BNC2: variants seen among roughly 807,000 people sequenced by gnomAD.
The protein encoded by BNC2 is basonuclin zinc finger protein 2.
BNC2 carries 20 observed loss-of-function variants against 76.3 expected under a neutral mutation model. That is an observed-to-expected ratio of 0.26 (90% CI 0.18 to 0.38). The LOEUF (loss-of-function observed/expected upper bound fraction) is 0.38, where lower values mean the gene tolerates loss of function less well. Ranked by LOEUF, BNC2 falls within the 10% of genes least tolerant of loss-of-function variation. BNC2 has a pLI of 1.00. For missense variants in BNC2, 1,382 were observed against 1,399.8 expected, an observed-to-expected ratio of 0.99 and a Z score of 0.20; for synonymous variants, 582 against 514.8, an observed-to-expected ratio of 1.13 and a Z score of -1.77.
At chr9:16,848,297 T>A (rs551049360) in intron 1 of BNC2, among the ~76,000 whole-genome samples, 3 of 152,164 alleles carry the variant, frequency 2.0e-5, no homozygotes, top group African/African-American at 7.2e-5. Context: ...ATTCCATCGA[T>A]GAAGTCAGGT....
At chr9:16,824,509 C>G (rs1392057229) in intron 1 of BNC2, among the ~76,000 whole-genome samples, 3 of 152,092 alleles carry the variant, frequency 2.0e-5, no homozygotes, top group South Asian at 2.1e-4. Flanking sequence ...CCTGTTCTCC[C>G]AAACTGTTAT....
intron 5 of BNC2, among the ~76,000 whole-genome samples, chr9:16,458,468 A>C (rs971112019): frequency 3.9e-5 from 6 of 152,208 alleles, no homozygotes; most frequent in Admixed American, 2.6e-4. Context: ...GAAAATCTTC[A>C]TTGTTGTCTG....
chr9:16,669,993 A>G (rs1191389207), intron 3 of BNC2, among the ~76,000 whole-genome samples: 1 of 152,226 alleles, frequency 6.6e-6, no homozygotes, highest in Non-Finnish European at 1.5e-5. Flanking sequence ...AACATATAAT[A>G]ATTGTGTAAT....
chr9:16,730,680 A>T (rs7855308), intron 2 of BNC2, among the ~76,000 whole-genome samples: 6,105 of 152,260 alleles, frequency 0.04, 255 homozygotes, highest in African/African-American at 0.1. Context: ...TCCTTCAGAT[A>T]TCATGGACTG....
At chr9:16,836,105 T>C (rs1319032538) in intron 1 of BNC2, among the ~76,000 whole-genome samples, 1 of 152,180 alleles carries the variant, frequency 6.6e-6, no homozygotes, top group Non-Finnish European at 1.5e-5. Context: ...GTTTTAGAAA[T>C]TGCCTCTCAC....
At chr9:16,699,877 A>G (rs1362049448) in intron 3 of BNC2, among the ~76,000 whole-genome samples, 1 of 152,214 alleles carries the variant, frequency 6.6e-6, no homozygotes, top group East Asian at 1.9e-4. Context: ...TAAATTCCCA[A>G]TGTAAATTTA....
In BNC2 at chr9:16,436,240, C is replaced by G. The variant is rs1821011050; in HGVS notation, c.1954G>C (p.Glu652Gln). ...GGGTCATCATCTTCATCATCAAACT[C>G]ATCGGCGGTATCAATAATTTCCTTC... Reference protein sequence around the residue: ...IEKEIIDTADEFDDEDDDPND... With the variant: ...IEKEIIDTADQFDDEDDDPND... Residue 652 changes from glutamate to glutamine, a missense_variant, in exon 6 of 7, where the codon GAG becomes CAG. Transcript: ENST00000380672. The G allele has an allele frequency of 6.2e-7, 1 of 1,614,076 alleles. No individual in the cohort carries two copies. Among genetic ancestry groups the G allele is most frequent in the Admixed American group, 1.7e-5 (1 of 59,998 alleles).
intron 1 of BNC2, among the ~76,000 whole-genome samples, chr9:16,856,908 A>C (rs141127644): frequency 6.6e-6 from 1 of 152,300 alleles, no homozygotes; most frequent in East Asian, 1.9e-4. Flanking sequence ...AGGGCAGAGA[A>C]TTGAGTGGCC....
At chr9:16,755,715 G>C (rs547870583) in intron 1 of BNC2, among the ~76,000 whole-genome samples, 1 of 152,198 alleles carries the variant, frequency 6.6e-6, no homozygotes, top group African/African-American at 2.4e-5. Flanking sequence ...CTTCAAACTT[G>C]ACATCTTCCC....
intron 6 of BNC2, among the ~76,000 whole-genome samples, chr9:16,427,229 C>T (rs1410231485): frequency 6.6e-6 from 1 of 152,220 alleles, no homozygotes; most frequent in Non-Finnish European, 1.5e-5. Flanking sequence ...TCAATGCAAA[C>T]TGCCACGCAT....
At chr9:16,523,880 C>T (rs947062050) in intron 5 of BNC2, among the ~76,000 whole-genome samples, 3 of 151,986 alleles carry the variant, frequency 2.0e-5, no homozygotes, top group Non-Finnish European at 2.9e-5. Context: ...GAACTGAGAT[C>T]GTCCAGGAGG....
chr9:16,614,946 A>C (rs1466201617), intron 3 of BNC2, among the ~76,000 whole-genome samples: 8 of 100,850 alleles, frequency 7.9e-5, no homozygotes, highest in East Asian at 3.5e-4. Flanking sequence ...ACAGAGTGAG[A>C]CTCTGTCTCT....
chr9:16,856,597 A>G (rs1014663001), intron 1 of BNC2, among the ~76,000 whole-genome samples: 1 of 152,192 alleles, frequency 6.6e-6, no homozygotes, highest in African/African-American at 2.4e-5. Flanking sequence ...TATTTCTTAC[A>G]AGGGACATTT....
At chr9:16,579,520 C>T (rs748763743) in intron 4 of BNC2, among the ~76,000 whole-genome samples, 14 of 152,080 alleles carry the variant, frequency 9.2e-5, no homozygotes, top group South Asian at 2.1e-4. Context: ...TGGGCTCAAG[C>T]GATCCACCTG....
At chr9:16,727,109 G>C (rs551206014) in intron 3 of BNC2, 6 of 152,836 alleles carry the variant, frequency 3.9e-5, no homozygotes, top group Admixed American at 2.6e-4. Context: ...GCGCCCGAGT[G>C]AGTGCGCCGG....
intron 1 of BNC2, among the ~76,000 whole-genome samples, chr9:16,852,526 G>C (rs1265609395): frequency 6.6e-6 from 1 of 152,208 alleles, no homozygotes; most frequent in East Asian, 1.9e-4. Flanking sequence ...TTTGTTGAGT[G>C]TTGCTACAGG....
chr9:16,633,978 A>T (rs1207441466), intron 3 of BNC2, among the ~76,000 whole-genome samples: 1 of 152,200 alleles, frequency 6.6e-6, no homozygotes, highest in African/African-American at 2.4e-5. Flanking sequence ...AAACTGTCAC[A>T]ATCCATGTAA....
intron 3 of BNC2, chr9:16,626,426 A>G (rs1213094911): frequency 6.6e-6 from 1 of 152,220 alleles, no homozygotes; most frequent in Non-Finnish European, 1.5e-5. Context: ...TGCAAGATGC[A>G]TGGTGCCCAC....
At chr9:16,651,618 C>T (rs16934889) in intron 3 of BNC2, among the ~76,000 whole-genome samples, 2,252 of 152,186 alleles carry the variant, frequency 0.015, 63 homozygotes, top group African/African-American at 0.052. Context: ...ATTTATAATA[C>T]AGCTTGCGAT....
Sources: gnomAD v4.1 joint callset for allele counts (sites outside exome capture counted in the v4.1 genomes callset) on GRCh38, gnomAD v4.1.1 for gene constraint, MANE v1.5 for transcripts, NCBI Gene and HGNC (gene_info 2026-07-23, HGNC 2026-07-21) for gene names.